Variants in THSD7A observed in about 807,000 individuals in gnomAD.
The protein encoded by THSD7A is thrombospondin type-1 domain-containing protein 7A.
THSD7A carries 96 observed loss-of-function variants against 231.3 expected under a neutral mutation model. The observed-to-expected ratio is 0.41, with a 90% confidence interval of 0.35 to 0.49. The LOEUF is 0.49. Among genes scored for constraint, THSD7A ranks in the 20% least tolerant of loss-of-function variants. The pLI is 0.05. For missense variants in THSD7A, 2,290 were observed against 2,070.2 expected (o/e 1.11, Z -2.06); for synonymous variants, 940 against 743.3 (o/e 1.26, Z -4.30).
rs563670548 is a variant in THSD7A, at chr7:11,772,394, A to G, written c.190+59363T>C. On this transcript the variant is annotated intron_variant, in intron 1 of 27. Coordinates refer to ENST00000423059, the MANE Select transcript of THSD7A (RefSeq NM_015204.3). ...TGGGTATATATGCAAAGGAATATAA[A>G]TCATTCTTCTAAAAAGACACATGCA... 1.1e-3 allele frequency among the ~76,000 whole-genome samples: 172 copies of G among 152,298 alleles called. 1 individual carries two copies. The highest frequency in any genetic ancestry group is 1.9e-3 in the Admixed American group (29 of 15,290).
intron 6 of THSD7A, among the ~76,000 whole-genome samples, chr7:11,517,840 T>G (rs1336098857): frequency 6.6e-6 from 1 of 152,204 alleles, no homozygotes; most frequent in Non-Finnish European, 1.5e-5. Context: ...TTGAGAAAAA[T>G]TTAACATTTA....
intron 1 of THSD7A, among the ~76,000 whole-genome samples, chr7:11,773,286 C>T (rs1000469288): frequency 1.3e-5 from 2 of 152,112 alleles, no homozygotes; most frequent in Non-Finnish European, 2.9e-5. Context: ...GTAATCTCAG[C>T]ACTTTGGGAG....
intron 1 of THSD7A, among the ~76,000 whole-genome samples, chr7:11,778,903 T>C (rs1187526818): frequency 2.6e-5 from 4 of 152,124 alleles, no homozygotes; most frequent in Admixed American, 2.0e-4. Flanking sequence ...TTAAGAGCAA[T>C]TTATAAAGCA....
At chr7:11,820,476 T>A (rs1784841257) in intron 1 of THSD7A, 1 of 1,099,240 alleles carries the variant, frequency 9.1e-7, no homozygotes, top group Admixed American at 2.9e-5. Context: ...CCGGAGGTCA[T>A]CATGCAAGTA....
intron 6 of THSD7A, among the ~76,000 whole-genome samples, chr7:11,520,710 T>C (rs1788228058): frequency 6.6e-6 from 1 of 152,208 alleles, no homozygotes; most frequent in South Asian, 2.1e-4. Flanking sequence ...ATAATTTGAC[T>C]AGAATTTAAA....
intron 4 of THSD7A, among the ~76,000 whole-genome samples, chr7:11,584,168 A>G (rs1328524872): frequency 6.6e-6 from 1 of 152,218 alleles, no homozygotes; most frequent in Non-Finnish European, 1.5e-5. Flanking sequence ...AACCACAGAA[A>G]GCATCAGCAG....
intron 6 of THSD7A, among the ~76,000 whole-genome samples, chr7:11,498,777 G>T (rs927852025): frequency 1.3e-5 from 2 of 152,154 alleles, no homozygotes; most frequent in Admixed American, 6.5e-5. Context: ...GAGGGAGAGA[G>T]AGGATGCCAT....
At chr7:11,647,082 T>C (rs1782311444) in intron 1 of THSD7A, among the ~76,000 whole-genome samples, 1 of 152,070 alleles carries the variant, frequency 6.6e-6, no homozygotes, top group African/African-American at 2.4e-5. Context: ...CCTCACTGCA[T>C]AAAATTGCTT....
At chr7:11,472,155 T>A (rs1409689183) in intron 8 of THSD7A, among the ~76,000 whole-genome samples, 1 of 152,184 alleles carries the variant, frequency 6.6e-6, no homozygotes, top group Non-Finnish European at 1.5e-5. Context: ...GAATTTGGAC[T>A]TCCTTTGGCA....
intron 6 of THSD7A, among the ~76,000 whole-genome samples, chr7:11,493,389 C>T (rs1379430075): frequency 2.0e-5 from 3 of 152,058 alleles, no homozygotes; most frequent in Admixed American, 2.0e-4. Flanking sequence ...GAGTCTAGCT[C>T]ACACGTTTCA....
chr7:11,426,089 CTGT>C (rs1292526469), intron 15 of THSD7A, among the ~76,000 whole-genome samples: 17 of 148,398 alleles, frequency 1.1e-4, no homozygotes, highest in African/African-American at 4.2e-4. Flanking sequence ...AAAAAATGCA[CTGT>C]TGGAGTCAAA....
At chr7:11,583,537 A>C (rs1277214452) in intron 4 of THSD7A, among the ~76,000 whole-genome samples, 1 of 152,058 alleles carries the variant, frequency 6.6e-6, no homozygotes, top group Non-Finnish European at 1.5e-5. Flanking sequence ...CAGCCTCACA[A>C]AGTGGTGGGA....
At chr7:11,780,947 C>T (rs1238992589) in intron 1 of THSD7A, among the ~76,000 whole-genome samples, 2 of 117,330 alleles carry the variant, frequency 1.7e-5, no homozygotes, top group East Asian at 2.9e-4. Flanking sequence ...GCCGAGATTG[C>T]GCCACTGCAG....
rs1788823542 is a variant in THSD7A, at chr7:11,534,226, ATTTGCCATAATTC to A, written c.1822+7180_1822+7192del. Among the ~76,000 whole-genome samples, 6 of 152,296 alleles carry A rather than the reference ATTTGCCATAATTC, an allele frequency of 3.9e-5. No homozygotes were observed. The South Asian group carries it at 1.2e-3, about 32-fold the overall frequency. ...ACCAGAGAGTAGACCATAGTAAATT[ATTTGCCATAATTC>A]TTTGCAATATATTCCATCAAAAGGC... On this transcript the variant is annotated intron_variant, in intron 6 of 27. Transcript: ENST00000423059.
intron 6 of THSD7A, among the ~76,000 whole-genome samples, chr7:11,487,140 G>A (rs917373805): frequency 6.6e-6 from 1 of 151,946 alleles, no homozygotes; most frequent in Non-Finnish European, 1.5e-5. Flanking sequence ...ACCCCTAAAC[G>A]TTCCCTTGTT....
chr7:11,828,109 A>G (rs1785083406), intron 1 of THSD7A, among the ~76,000 whole-genome samples: 1 of 152,170 alleles, frequency 6.6e-6, no homozygotes, highest in African/African-American at 2.4e-5. Flanking sequence ...ATCTCTCTTC[A>G]TTCTAGACAA....
chr7:11,409,623 A>T (rs768303253), intron 19 of THSD7A, among the ~76,000 whole-genome samples: 1 of 152,206 alleles, frequency 6.6e-6, no homozygotes, highest in African/African-American at 2.4e-5. Flanking sequence ...CATTTATTTT[A>T]TATTTCATTC....
chr7:11,527,919 C>T (rs935461090), intron 6 of THSD7A, among the ~76,000 whole-genome samples: 1 of 152,010 alleles, frequency 6.6e-6, no homozygotes, highest in Non-Finnish European at 1.5e-5. Flanking sequence ...TGTAGGAGGC[C>T]AAGTGGGAGG....
chr7:11,678,444 C>T (rs937014310), intron 1 of THSD7A, among the ~76,000 whole-genome samples: 5 of 151,644 alleles, frequency 3.3e-5, no homozygotes, highest in African/African-American at 4.8e-5. Context: ...ATAGATAGAC[C>T]GCTAGCCTGA....
Sources: gnomAD v4.1 joint callset for allele counts (sites outside exome capture counted in the v4.1 genomes callset) on GRCh38, gnomAD v4.1.1 for gene constraint, MANE v1.5 for transcripts, NCBI Gene and HGNC (gene_info 2026-07-23, HGNC 2026-07-21) for gene names.